Variants in MATCAP2 observed in about 807,000 individuals in gnomAD.
MATCAP2 encodes the protein putative tyrosine carboxypeptidase MATCAP2.
At chr7:36,381,216 G>C in the MATCAP2 span, among the ~76,000 whole-genome samples, 1 of 152,154 alleles carries the variant, frequency 6.6e-6, no homozygotes, top group African/African-American at 2.4e-5. Context: ...GAGATAAGGA[G>C]GCAAGATTAG....
chr7:36,382,841 T>C, the MATCAP2 span, among the ~76,000 whole-genome samples: 1 of 152,194 alleles, frequency 6.6e-6, no homozygotes, highest in Non-Finnish European at 1.5e-5. Flanking sequence ...GTTACCAATA[T>C]AAAAAGTATA....
At chr7:36,361,879 T>G in the MATCAP2 span, among the ~76,000 whole-genome samples, 7 of 152,218 alleles carry the variant, frequency 4.6e-5, no homozygotes, top group African/African-American at 1.7e-4. Flanking sequence ...TCTCAGACAA[T>G]GTTGAGCAAA....
At chr7:36,369,154 G>C in the MATCAP2 span, among the ~76,000 whole-genome samples, 2 of 152,142 alleles carry the variant, frequency 1.3e-5, no homozygotes, top group Non-Finnish European at 2.9e-5. Flanking sequence ...CTGGCATGTA[G>C]TAGGTCCTTA....
the MATCAP2 span, among the ~76,000 whole-genome samples, chr7:36,331,268 T>C: frequency 3.3e-5 from 5 of 152,222 alleles, no homozygotes; most frequent in Non-Finnish European, 5.9e-5. Flanking sequence ...GCCAGGATGG[T>C]ATGCAGACTA....
chr7:36,389,446 A>G, the MATCAP2 span, among the ~76,000 whole-genome samples: 1 of 151,666 alleles, frequency 6.6e-6, no homozygotes, highest in Non-Finnish European at 1.5e-5. Flanking sequence ...CACTGCAGCC[A>G]TGACCTCCTG....
the MATCAP2 span, among the ~76,000 whole-genome samples, chr7:36,354,908 T>C: frequency 2.0e-5 from 3 of 152,114 alleles, no homozygotes; most frequent in Non-Finnish European, 2.9e-5. Flanking sequence ...ACTCTCAAAC[T>C]GTGGGGCTGC....
At chr7:36,329,079 A>C in the MATCAP2 span, among the ~76,000 whole-genome samples, 2 of 152,044 alleles carry the variant, frequency 1.3e-5, no homozygotes, top group Non-Finnish European at 2.9e-5. Context: ...TAAAGAACTC[A>C]TGTTCATATT....
chr7:36,354,899 C>T, the MATCAP2 span, among the ~76,000 whole-genome samples: 1 of 152,150 alleles, frequency 6.6e-6, no homozygotes, highest in East Asian at 1.9e-4. Context: ...GCAATGTCAA[C>T]TCTCAAACTG....
chr7:36,331,158 TAGGAATC>T, the MATCAP2 span: 3 of 799,394 alleles, frequency 3.8e-6, no homozygotes, highest in Admixed American at 5.5e-5. Context: ...CCATTTACTG[TAGGAATC>T]AGTCCTGTAT....
chr7:36,327,047 TAACAA>T, the MATCAP2 span: 2 of 764,952 alleles, frequency 2.6e-6, no homozygotes, highest in South Asian at 4.1e-5. Context: ...AGCTGCAAAG[TAACAA>T]AAATCAGTGA....
the MATCAP2 span, among the ~76,000 whole-genome samples, chr7:36,360,649 TCA>T: frequency 6.6e-6 from 1 of 152,236 alleles, no homozygotes; most frequent in Admixed American, 6.5e-5. Flanking sequence ...TAATTGTATT[TCA>T]GTTACATTAA....
chr7:36,326,642 C>A, the MATCAP2 span: 3 of 867,774 alleles, frequency 3.5e-6, no homozygotes, highest in South Asian at 2.0e-5. Flanking sequence ...TACTGAAGAC[C>A]CTTCTTCAGA....
the MATCAP2 span, among the ~76,000 whole-genome samples, chr7:36,386,571 G>A: frequency 1.3e-5 from 2 of 151,750 alleles, no homozygotes; most frequent in Non-Finnish European, 2.9e-5. Context: ...AACCAACCAA[G>A]TTTATTTTCC....
chr7:36,389,364 C>A, the MATCAP2 span, among the ~76,000 whole-genome samples: 1 of 150,660 alleles, frequency 6.6e-6, no homozygotes, highest in Non-Finnish European at 1.5e-5. Flanking sequence ...GCTCTTAATC[C>A]TTTTTTTTTC....
the MATCAP2 span, among the ~76,000 whole-genome samples, chr7:36,376,931 T>A: frequency 6.6e-6 from 1 of 152,200 alleles, no homozygotes; most frequent in Non-Finnish European, 1.5e-5. Flanking sequence ...TTTTTATTTT[T>A]TTTATTTTTT....
At chr7:36,386,441 G>A in the MATCAP2 span, among the ~76,000 whole-genome samples, 1 of 136,038 alleles carries the variant, frequency 7.4e-6, no homozygotes, top group Admixed American at 7.1e-5. Context: ...GTATGTGTAT[G>A]TGTGTATGTG....
At chr7:36,371,863 C>A in the MATCAP2 span, among the ~76,000 whole-genome samples, 2 of 151,980 alleles carry the variant, frequency 1.3e-5, no homozygotes, top group African/African-American at 4.8e-5. Flanking sequence ...CCCACCCTGG[C>A]CTTCCAAGTA....
At chr7:36,367,168 G>A in the MATCAP2 span, 1 of 1,206,876 alleles carries the variant, frequency 8.3e-7, no homozygotes. Context: ...GGTACACACG[G>A]CGGCCTTACG....
the MATCAP2 span, among the ~76,000 whole-genome samples, chr7:36,347,040 T>C: frequency 6.6e-6 from 1 of 152,240 alleles, no homozygotes; most frequent in Non-Finnish European, 1.5e-5. Flanking sequence ...ATTACAGGCC[T>C]GAGCCACCGT....
Sources: allele counts gnomAD v4.1 joint callset (sites outside exome capture counted in the v4.1 genomes callset), GRCh38; gene constraint gnomAD v4.1.1; transcripts MANE v1.5; gene names NCBI Gene and HGNC (gene_info 2026-07-23, HGNC 2026-07-21).